CDH18: variants seen among roughly 807,000 people sequenced by gnomAD.
The protein encoded by CDH18 is cadherin-18.
A neutral mutation model predicts 67.9 loss-of-function variants in CDH18; 31 were observed. The ratio of observed to expected loss-of-function variants is 0.46; its 90% CI spans 0.34 to 0.62. The LOEUF (loss-of-function observed/expected upper bound fraction) is 0.62. Ranked by LOEUF, CDH18 falls within the 20% of genes least tolerant of loss-of-function variation. The pLI is 0.01. For synonymous variants in CDH18, 362 were observed against 347.2 expected (o/e 1.04, Z -0.48); for missense variants, 890 against 975.5 (o/e 0.91, Z 1.17).
At chr5:20,409,378 CA>C (rs1336109939) in intron 1 of CDH18, among the ~76,000 whole-genome samples, 1 of 151,386 alleles carries the variant, frequency 6.6e-6, no homozygotes, top group African/African-American at 2.4e-5. Flanking sequence ...TAGAAAAGTT[CA>C]AAAATATGTG....
intron 1 of CDH18, among the ~76,000 whole-genome samples, chr5:20,366,555 C>T (rs933362741): frequency 3.3e-5 from 5 of 152,188 alleles, no homozygotes; most frequent in Admixed American, 6.6e-5. Context: ...AGCCAGACTG[C>T]ACGGTTTGAG....
At chr5:19,913,085 A>G (rs1791334774) in intron 2 of CDH18, among the ~76,000 whole-genome samples, 6 of 152,262 alleles carry the variant, frequency 3.9e-5, no homozygotes. Flanking sequence ...AAAATGATAG[A>G]AAAGAGGTAC....
intron 1 of CDH18, among the ~76,000 whole-genome samples, chr5:20,512,617 G>A (rs956264435): frequency 2.0e-5 from 3 of 151,814 alleles, no homozygotes; most frequent in African/African-American, 4.8e-5. Flanking sequence ...AGTGTGGTGG[G>A]TCACGCCTAT....
rs550093038 is a variant in CDH18, at chr5:19,699,612, A to G, written c.643+21735T>C. On this transcript the variant is annotated intron_variant, in intron 5 of 12. Coordinates refer to ENST00000382275, the MANE Select transcript of CDH18 (RefSeq NM_004934.5). The stretch of plus-strand genomic sequence containing the variant: ...AGAGAGATGATGTCTCTCTTTCTCC[A>G]TGTGTGTGTGTGTGTGTGTGTGTGT... 3.1e-3 allele frequency among the ~76,000 whole-genome samples: 425 copies of G among 139,074 alleles called. 2 individuals carry two copies. Among genetic ancestry groups the G allele is most frequent in the South Asian group, 0.022 (99 of 4,440 alleles). The allele number at this position is 139,074 out of a possible 152,430, so 91.2% of individuals were successfully genotyped here. A position where few individuals can be genotyped will look rare whatever the true frequency, so the allele number is the denominator to read the frequency against.
chr5:20,428,581 G>A (rs1205559539), intron 1 of CDH18, among the ~76,000 whole-genome samples: 1 of 152,118 alleles, frequency 6.6e-6, no homozygotes, highest in African/African-American at 2.4e-5. Flanking sequence ...GGGTTCCTAT[G>A]TCTCCACATC....
At chr5:20,099,718 A>T (rs1346419008) in intron 2 of CDH18, among the ~76,000 whole-genome samples, 2 of 152,160 alleles carry the variant, frequency 1.3e-5, no homozygotes, top group Non-Finnish European at 2.9e-5. Context: ...TAAGAGATTG[A>T]CTGAGTGTGT....
At chr5:19,513,059 T>C (rs1370935188) in intron 10 of CDH18, among the ~76,000 whole-genome samples, 1 of 152,006 alleles carries the variant, frequency 6.6e-6, no homozygotes, top group African/African-American at 2.4e-5. Context: ...TATTTATATA[T>C]TTAATGAATT....
chr5:19,714,511 AT>A (rs5866395), intron 5 of CDH18, among the ~76,000 whole-genome samples: 48,681 of 144,680 alleles, frequency 0.34, 7,926 homozygotes, highest in African/African-American at 0.41. Context: ...ACAAAGTGAG[AT>A]TTTTTTTTTT....
At chr5:20,071,617 AT>A (rs1465031722) in intron 2 of CDH18, among the ~76,000 whole-genome samples, 1 of 152,084 alleles carries the variant, frequency 6.6e-6, no homozygotes, top group East Asian at 1.9e-4. Context: ...ACTATTGTTT[AT>A]TAATATTAAG....
intron 2 of CDH18, among the ~76,000 whole-genome samples, chr5:19,898,946 A>C (rs1789637442): frequency 6.6e-6 from 1 of 152,204 alleles, no homozygotes; most frequent in Non-Finnish European, 1.5e-5. Context: ...AGGAACTCCT[A>C]CAACTCAAGA....
intron 8 of CDH18, among the ~76,000 whole-genome samples, chr5:19,555,359 G>C (rs1253712195): frequency 6.6e-6 from 1 of 152,160 alleles, no homozygotes; most frequent in Non-Finnish European, 1.5e-5. Context: ...CAGCTGGGAG[G>C]CTTGTAGTCT....
chr5:19,846,925 TCTTTTA>T (rs70954610), intron 2 of CDH18, among the ~76,000 whole-genome samples: 73,366 of 151,104 alleles, frequency 0.49, 17,827 homozygotes, highest in Middle Eastern at 0.62. Context: ...TTTTTCTTTT[TCTTTTA>T]CCTTTAGCAC....
At chr5:20,479,145 A>G (rs541457515) in intron 1 of CDH18, among the ~76,000 whole-genome samples, 1 of 152,266 alleles carries the variant, frequency 6.6e-6, no homozygotes, top group African/African-American at 2.4e-5. Flanking sequence ...CCTAAGAAAG[A>G]TAGATACAAG....
At chr5:20,056,392 G>C (rs563737094) in intron 2 of CDH18, among the ~76,000 whole-genome samples, 2 of 111,876 alleles carry the variant, frequency 1.8e-5, no homozygotes, top group Non-Finnish European at 3.9e-5. Flanking sequence ...TGTTTTTTTT[G>C]TTTGTTTGTT....
At position 20,511,509 on chromosome 5, in the gene CDH18, G is replaced by T. The variant is rs7703755; in HGVS notation, c.-580+63953C>A. 3.3e-5 allele frequency among the ~76,000 whole-genome samples: 5 copies of T among 151,652 alleles called. No individual in the cohort carries two copies. In the South Asian group the frequency reaches 8.3e-4, roughly 25 times the overall value. ...ATATATATATTCTAATAGAGGCATA[G>T]GCAAATATATCTTCAGTGGAGATTA... On this transcript the variant is annotated intron_variant, in intron 1 of 14. Coordinates refer to the CDH18 transcript ENST00000507958.
At chr5:20,334,066 C>T (rs1260401484) in intron 1 of CDH18, among the ~76,000 whole-genome samples, 1 of 148,788 alleles carries the variant, frequency 6.7e-6, no homozygotes, top group African/African-American at 2.5e-5. Context: ...AATCTCTGAA[C>T]ATCTTTGATA....
intron 2 of CDH18, among the ~76,000 whole-genome samples, chr5:20,242,522 T>A (rs534362870): frequency 6.7e-6 from 1 of 148,802 alleles, no homozygotes; most frequent in East Asian, 2.0e-4. Flanking sequence ...CTCAGATTCA[T>A]CCAAGTTGTC....
At chr5:19,705,034 G>A (rs933897546) in intron 5 of CDH18, among the ~76,000 whole-genome samples, 5 of 152,124 alleles carry the variant, frequency 3.3e-5, no homozygotes, top group East Asian at 1.9e-4. Context: ...CCTGCTAAGC[G>A]TTTTCACTGG....
intron 2 of CDH18, among the ~76,000 whole-genome samples, chr5:20,166,266 C>A (rs1736274258): frequency 6.6e-6 from 1 of 151,542 alleles, no homozygotes; most frequent in African/African-American, 2.4e-5. Flanking sequence ...CATGGTGAAA[C>A]CCTGTCTCTA....
Sources: allele counts gnomAD v4.1 joint callset (sites outside exome capture counted in the v4.1 genomes callset), GRCh38; gene constraint gnomAD v4.1.1; transcripts MANE v1.5; gene names NCBI Gene and HGNC (gene_info 2026-07-23, HGNC 2026-07-21).